TDRD10: variants seen among roughly 807,000 people sequenced by gnomAD.
TDRD10 encodes the protein tudor domain containing 10.
In TDRD10, 40 loss-of-function variants were observed where a neutral mutation model predicts 48.0. That is an observed-to-expected ratio of 0.83 (90% CI 0.65 to 1.09). The LOEUF is 1.09. TDRD10 is among the 50% of genes least tolerant of loss of function. The pLI, the probability that TDRD10 is intolerant of heterozygous loss-of-function variation, is 0.00. For missense variants in TDRD10, 378 were observed against 434.7 expected, an observed-to-expected ratio of 0.87 and a Z score of 1.16; for synonymous variants, 162 against 170.4, an observed-to-expected ratio of 0.95 and a Z score of 0.38.
At chr1:154,546,052 T>G (rs1461483342) in intron 11 of TDRD10, among the ~76,000 whole-genome samples, 2 of 145,836 alleles carry the variant, frequency 1.4e-5, no homozygotes, top group Non-Finnish European at 3.0e-5. Flanking sequence ...GGATTACAGC[T>G]GTGAGCCACC....
chr1:154,543,791 C>G (rs921599368), intron 8 of TDRD10, among the ~76,000 whole-genome samples, 172 bp from the exon 9 acceptor site: 27 of 152,194 alleles, frequency 1.8e-4, no homozygotes, highest in African/African-American at 6.0e-4. Context: ...ACTGGGATTA[C>G]TTGGGAACTG....
At chr1:154,515,625 C>A (rs1406608655) in intron 4 of TDRD10, among the ~76,000 whole-genome samples, 1 of 152,220 alleles carries the variant, frequency 6.6e-6, no homozygotes, top group Non-Finnish European at 1.5e-5. Flanking sequence ...GCTCTTCTCC[C>A]TCAGTTGCAG....
rs948794996 is a variant in TDRD10 at position 154,522,477 on chromosome 1, C to T, written c.369+998C>T. 4.5e-4 allele frequency among the ~76,000 whole-genome samples: 69 copies of T among 152,050 alleles called. 1 individual carries two copies. Among genetic ancestry groups the T allele is most frequent in the African/African-American group, 1.5e-3 (64 of 41,384 alleles). On this transcript the variant is annotated intron_variant, in intron 6 of 12. Coordinates refer to ENST00000368482, the MANE Select transcript of TDRD10 (RefSeq NM_182499.4). ...AGCTGGAGAGGTTGGAGGTGGAAGCCGAGAGATGGGTTGGAATTATTGACT... is the reference window on the plus strand; with the variant it reads ...AGCTGGAGAGGTTGGAGGTGGAAGCTGAGAGATGGGTTGGAATTATTGACT...
intron 6 of TDRD10, among the ~76,000 whole-genome samples, chr1:154,525,930 G>A (rs12128984): frequency 0.78 from 113,034 of 144,150 alleles, 45,187 homozygotes; most frequent in East Asian, 0.92. Context: ...GAGGCTGGGC[G>A]TGGTGGCTCA....
chr1:154,512,595 C>G (rs1449246484), intron 4 of TDRD10, among the ~76,000 whole-genome samples: 1 of 152,138 alleles, frequency 6.6e-6, no homozygotes, highest in Non-Finnish European at 1.5e-5. Context: ...CCGCCTGCCT[C>G]AGCCTCCCAA....
intron 11 of TDRD10, among the ~76,000 whole-genome samples, chr1:154,545,797 G>T (rs2149356984): frequency 6.8e-6 from 1 of 146,400 alleles, no homozygotes; most frequent in Non-Finnish European, 1.5e-5. Flanking sequence ...TTGAGATGGA[G>T]TCTCGTTCTG....
chr1:154,514,874 A>T (rs113639655), intron 4 of TDRD10, among the ~76,000 whole-genome samples: 1,663 of 150,930 alleles, frequency 0.011, 30 homozygotes, highest in African/African-American at 0.035. Context: ...TTATTTATTT[A>T]TTTTTTTTTT....
intron 9 of TDRD10, 33 bp from the exon 10 acceptor site, chr1:154,544,339 G>A: frequency 6.4e-7 from 1 of 1,561,026 alleles, no homozygotes; most frequent in Non-Finnish European, 8.7e-7. Flanking sequence ...ATGCAGTGCA[G>A]GCAGTGGGGC....
chr1:154,547,731 T>G lies in TDRD10; in HGVS notation c.*21T>G, dbSNP rs1395730583. On this transcript the variant is annotated 3_prime_UTR_variant, in exon 13 of 13. Coordinates refer to ENST00000368482, the MANE Select transcript of TDRD10 (RefSeq NM_182499.4). ...AATAACGGGGCTTCCCTCAGCATGT[T>G]CCCTCTCCTGTTTGCCACGGATCCA... The G allele has an allele frequency of 1.9e-6, 3 of 1,612,712 alleles. No individual in the cohort carries two copies. The highest frequency in any genetic ancestry group is 2.5e-6 in the Non-Finnish European group (3 of 1,179,892).
intron 4 of TDRD10, among the ~76,000 whole-genome samples, chr1:154,515,965 C>A (rs1693741161): frequency 6.6e-6 from 1 of 152,136 alleles, no homozygotes; most frequent in Non-Finnish European, 1.5e-5. Flanking sequence ...GATCTGCCTG[C>A]CTCGGCCTCC....
chr1:154,531,749 T>C (rs935081535), intron 6 of TDRD10, among the ~76,000 whole-genome samples: 11 of 152,158 alleles, frequency 7.2e-5, no homozygotes, highest in African/African-American at 2.4e-4. Flanking sequence ...CTGCTTTTAT[T>C]CCCTTATCTG....
chr1:154,547,747 C>T lies in TDRD10; in HGVS notation c.*37C>T, dbSNP rs1571002799. ...TCAGCATGTTCCCTCTCCTGTTTGC[C>T]ACGGATCCAGAGGCCACCTGCCCTG... On this transcript the variant is annotated 3_prime_UTR_variant, in exon 13 of 13. Transcript: ENST00000368482. 2.5e-6 allele frequency: 4 copies of T among 1,612,020 alleles called. No homozygotes were observed. The highest frequency in any genetic ancestry group is 2.2e-5 in the East Asian group (1 of 44,880).
intron 2 of TDRD10, 55 bp downstream of exon 2, chr1:154,506,960 C>G: frequency 6.2e-7 from 1 of 1,614,122 alleles, no homozygotes; most frequent in Non-Finnish European, 8.5e-7. Flanking sequence ...CCAGCCTTCT[C>G]TTTCTCCCAT....
At chr1:154,513,853 G>A (rs1416991588) in intron 4 of TDRD10, among the ~76,000 whole-genome samples, 51 of 152,264 alleles carry the variant, frequency 3.3e-4, no homozygotes, top group Non-Finnish European at 1.2e-4. Context: ...ATTCAGTCAC[G>A]GAAAAATTAA....
chr1:154,530,005 TTTTTC>T (rs1694523121), intron 6 of TDRD10, among the ~76,000 whole-genome samples: 1 of 152,196 alleles, frequency 6.6e-6, no homozygotes, highest in Non-Finnish European at 1.5e-5. Context: ...AAAGAATATT[TTTTTC>T]TTTTCTTTTT....
chr1:154,537,250 T>A (rs1375737467), intron 6 of TDRD10, among the ~76,000 whole-genome samples: 2 of 152,202 alleles, frequency 1.3e-5, no homozygotes, highest in Non-Finnish European at 2.9e-5. Flanking sequence ...TCCCTCTTGC[T>A]GCCAGCCAAA....
Position 154,507,260 on chromosome 1 carries a change from C to T in TDRD10, c.22C>T (p.Pro8Ser), listed in dbSNP as rs1369164962. 8.1e-6 allele frequency: 13 copies of T among 1,613,918 alleles called. No homozygotes were observed. In the Admixed American group the frequency reaches 8.3e-5, roughly 10 times the overall value. MSWNISH[P>S]QLSDKLFGKN... The stretch of plus-strand genomic sequence containing the variant: ...TGACAGGTCCTGGAACATTAGTCAC[C>T]CCCAACTCTCTGATAAACTGTTTGG... Residue 8 changes from proline to serine, a missense_variant, in exon 3 of 13, where the codon CCC becomes TCC. Transcript: ENST00000368482.
At chr1:154,512,504 C>A (rs916003925) in intron 4 of TDRD10, among the ~76,000 whole-genome samples, 3 of 152,098 alleles carry the variant, frequency 2.0e-5, no homozygotes, top group African/African-American at 7.2e-5. Flanking sequence ...ACCACCATGC[C>A]TGGCTAAATT....
intron 6 of TDRD10, among the ~76,000 whole-genome samples, chr1:154,525,212 T>TG (rs1241359404): frequency 6.6e-6 from 1 of 152,182 alleles, no homozygotes; most frequent in East Asian, 1.9e-4. Context: ...AGTTAAGTTG[T>TG]GTCATGCCAG....
Sources: allele counts gnomAD v4.1 joint callset (sites outside exome capture counted in the v4.1 genomes callset), GRCh38; gene constraint gnomAD v4.1.1; transcripts MANE v1.5; gene names NCBI Gene and HGNC (gene_info 2026-07-23, HGNC 2026-07-21).